Variants in NRG1 observed in about 807,000 individuals in gnomAD.
NRG1 encodes pro-neuregulin-1, membrane-bound isoform.
Under a neutral mutation model 63.8 loss-of-function variants are expected in NRG1, and 18 were observed. The ratio of observed to expected loss-of-function variants is 0.28; its 90% CI spans 0.19 to 0.42. NRG1 has a LOEUF of 0.42. NRG1 is among the 10% of genes least tolerant of loss of function. The pLI, the probability that NRG1 is intolerant of heterozygous loss-of-function variation, is 1.00. For synonymous variants in NRG1, 302 were observed against 301.3 expected, an observed-to-expected ratio of 1.00 and a Z score of -0.02; for missense variants, 762 against 814.7, an observed-to-expected ratio of 0.94 and a Z score of 0.79.
chr8:32,068,350 C>T (rs1329697537), intron 1 of NRG1, among the ~76,000 whole-genome samples: 1 of 152,060 alleles, frequency 6.6e-6, no homozygotes, highest in Non-Finnish European at 1.5e-5. Flanking sequence ...GTGAAGAAAC[C>T]TGGACATGAC....
chr8:32,598,472 A>G (rs1481585409), intron 2 of NRG1, among the ~76,000 whole-genome samples: 1 of 152,152 alleles, frequency 6.6e-6, no homozygotes, highest in Non-Finnish European at 1.5e-5. Flanking sequence ...TAAAAGTATC[A>G]TTAGTATTCA....
At chr8:32,171,195 CTA>C (rs1273857092) in intron 1 of NRG1, among the ~76,000 whole-genome samples, 1 of 152,126 alleles carries the variant, frequency 6.6e-6, no homozygotes, top group East Asian at 1.9e-4. Flanking sequence ...TCTTATAACA[CTA>C]TTTTTTAAAT....
At chr8:32,659,764 C>T (rs1235359882) in intron 5 of NRG1, among the ~76,000 whole-genome samples, 1 of 152,128 alleles carries the variant, frequency 6.6e-6, no homozygotes, top group African/African-American at 2.4e-5. Context: ...TTTTAGCCAA[C>T]TAGAACTCGA....
chr8:32,743,504 T>C, intron 7 of NRG1, among the ~76,000 whole-genome samples: 1 of 148,808 alleles, frequency 6.7e-6, no homozygotes, highest in East Asian at 2.0e-4. Flanking sequence ...AACTATAGGA[T>C]AAATATGTGT....
chr8:31,855,482 C>T (rs1827761204), intron 1 of NRG1, among the ~76,000 whole-genome samples: 1 of 152,122 alleles, frequency 6.6e-6, no homozygotes, highest in Non-Finnish European at 1.5e-5. Context: ...TTCCTCCATC[C>T]TTTTATTTTG....
At chr8:31,721,548 T>G (rs909757086) in intron 1 of NRG1, among the ~76,000 whole-genome samples, 16 of 152,182 alleles carry the variant, frequency 1.1e-4, no homozygotes, top group African/African-American at 3.9e-4. Flanking sequence ...ATCATTCTGT[T>G]CCTTGACCCT....
intron 1 of NRG1, among the ~76,000 whole-genome samples, chr8:32,591,110 T>A (rs1400659464): frequency 6.6e-6 from 1 of 152,144 alleles, no homozygotes; most frequent in Non-Finnish European, 1.5e-5. Flanking sequence ...TACACAGATG[T>A]GTTTCTTCAC....
intron 5 of NRG1, among the ~76,000 whole-genome samples, chr8:32,659,276 G>C (rs1802279909): frequency 6.6e-6 from 1 of 151,650 alleles, no homozygotes; most frequent in Admixed American, 6.6e-5. Flanking sequence ...CCCGAGTGCT[G>C]GGGCTACAGG....
chr8:32,271,857 T>A (rs1851585376), intron 1 of NRG1, among the ~76,000 whole-genome samples: 1 of 152,132 alleles, frequency 6.6e-6, no homozygotes, highest in South Asian at 2.1e-4. Context: ...AGGCCCTGAA[T>A]GCATCTTCAA....
intron 1 of NRG1, among the ~76,000 whole-genome samples, chr8:32,203,775 G>A (rs923956130): frequency 6.6e-6 from 1 of 152,102 alleles, no homozygotes; most frequent in Non-Finnish European, 1.5e-5. Flanking sequence ...GAATAAAACA[G>A]TTACCTCCAT....
At chr8:32,216,552 G>T (rs1233047366) in intron 1 of NRG1, among the ~76,000 whole-genome samples, 1 of 149,500 alleles carries the variant, frequency 6.7e-6, no homozygotes, top group Non-Finnish European at 1.5e-5. Context: ...CTATTAGTTG[G>T]AATGAGCCTA....
At chr8:32,481,781 C>T (rs1286559971) in intron 1 of NRG1, among the ~76,000 whole-genome samples, 1 of 152,110 alleles carries the variant, frequency 6.6e-6, no homozygotes, top group Non-Finnish European at 1.5e-5. Flanking sequence ...AGGTGCTGGG[C>T]CTTCCAGTTG....
At chr8:32,017,770 C>T (rs1319183063) in intron 1 of NRG1, among the ~76,000 whole-genome samples, 1 of 152,224 alleles carries the variant, frequency 6.6e-6, no homozygotes, top group Non-Finnish European at 1.5e-5. Flanking sequence ...CTCCTGGGCA[C>T]ACCACCCTCC....
At chr8:32,470,164 A>AG (rs1823634065) in intron 1 of NRG1, among the ~76,000 whole-genome samples, 1 of 128,894 alleles carries the variant, frequency 7.8e-6, no homozygotes, top group South Asian at 2.6e-4. Context: ...TGAGCCACTG[A>AG]GCCCGGCCGA....
chr8:31,855,742 G>A (rs563465823), intron 1 of NRG1, among the ~76,000 whole-genome samples: 4,239 of 152,172 alleles, frequency 0.028, 191 homozygotes, highest in African/African-American at 0.096. Context: ...ATTTTGCAGC[G>A]GCTGGTACCG....
At chr8:32,187,372 G>A (rs1473424643) in intron 1 of NRG1, among the ~76,000 whole-genome samples, 2 of 152,080 alleles carry the variant, frequency 1.3e-5, no homozygotes, top group East Asian at 1.9e-4. Flanking sequence ...GAATAGGAGA[G>A]CCCTTTCCTT....
chr8:32,302,445 G>T (rs1855685189), intron 1 of NRG1, among the ~76,000 whole-genome samples: 1 of 152,172 alleles, frequency 6.6e-6, no homozygotes, highest in African/African-American at 2.4e-5. Context: ...GTAGGAAACA[G>T]GTTAAGCTGT....
chr8:32,099,756 G>C (rs968217639), intron 1 of NRG1: 4 of 152,202 alleles, frequency 2.6e-5, no homozygotes, highest in African/African-American at 9.7e-5. Context: ...AGGTTTGCTT[G>C]GCTTATTTAG....
rs534059118 is a variant in NRG1, at chr8:31,839,895, T to C, written c.37+200464T>C. On this transcript the variant is annotated intron_variant, in intron 1 of 10. Transcript: ENST00000519301. ...AATCGCAGGGACAGGATTGTGGCCC[T>C]CTGGAGAGGGGGCCAGGAGGAAAAG... 9.9e-5 allele frequency among the ~76,000 whole-genome samples: 15 copies of C among 152,200 alleles called. No homozygotes were observed. In the South Asian group the frequency reaches 2.9e-3, roughly 29 times the overall value.
Sources: gnomAD v4.1 joint callset for allele counts (sites outside exome capture counted in the v4.1 genomes callset) on GRCh38, gnomAD v4.1.1 for gene constraint, MANE v1.5 for transcripts, NCBI Gene and HGNC (gene_info 2026-07-23, HGNC 2026-07-21) for gene names.